The following ANKS1B variants were observed in gnomAD, a reference collection of about 807,000 sequenced individuals.
ANKS1B encodes ankyrin repeat and sterile alpha motif domain containing 1B.
A neutral mutation model predicts 148.3 loss-of-function variants in ANKS1B; 36 were observed. That is an observed-to-expected ratio of 0.24 (90% CI 0.19 to 0.32). ANKS1B has a LOEUF of 0.32. Among genes scored for constraint, ANKS1B ranks in the 10% least tolerant of loss-of-function variants. The pLI is 1.00. For missense variants in ANKS1B, 1,157 were observed against 1,542.6 expected, an observed-to-expected ratio of 0.75 and a Z score of 4.19; for synonymous variants, 542 against 560.8, an observed-to-expected ratio of 0.97 and a Z score of 0.47.
chr12:99,538,073 G>GTT (rs201549778), intron 9 of ANKS1B, among the ~76,000 whole-genome samples: 203 of 151,950 alleles, frequency 1.3e-3, no homozygotes, highest in African/African-American at 4.6e-3. Flanking sequence ...CTCTAGGTGT[G>GTT]TTTATTTGTT....
chr12:99,093,269 T>C (rs142042345), intron 15 of ANKS1B: 1 of 152,230 alleles, frequency 6.6e-6, no homozygotes, highest in Non-Finnish European at 1.5e-5. Context: ...ACTACCTTAG[T>C]GTATTCCAGA....
intron 17 of ANKS1B, among the ~76,000 whole-genome samples, chr12:98,923,106 C>A (rs1273652484): frequency 6.6e-6 from 1 of 152,036 alleles, no homozygotes; most frequent in Non-Finnish European, 1.5e-5. Context: ...TAGATTAATG[C>A]CTTCCTGCTA....
chr12:99,901,451 G>A (rs911186457), intron 1 of ANKS1B, among the ~76,000 whole-genome samples: 5 of 152,180 alleles, frequency 3.3e-5, no homozygotes, highest in African/African-American at 1.2e-4. Context: ...GCAAAAGATA[G>A]AGACAGAAGA....
At chr12:98,960,300 A>T (rs61932195) in intron 17 of ANKS1B, among the ~76,000 whole-genome samples, 21,490 of 152,162 alleles carry the variant, frequency 0.14, 1,900 homozygotes, top group Middle Eastern at 0.2. Flanking sequence ...AGAGAGAGAG[A>T]TGCCATTTGT....
chr12:99,963,738 T>C (rs993912833), intron 1 of ANKS1B, among the ~76,000 whole-genome samples: 1 of 152,230 alleles, frequency 6.6e-6, no homozygotes, highest in African/African-American at 2.4e-5. Flanking sequence ...TTACTTACTG[T>C]CCTGGTTCAT....
rs1219889159 is a variant in ANKS1B at position 98,829,697 on chromosome 12, C to T, written c.2887-344G>A. Among the ~76,000 whole-genome samples the T allele has an allele frequency of 3.3e-5, 5 of 152,124 alleles. No homozygotes were observed. Among genetic ancestry groups the T allele is most frequent in the South Asian group, 2.1e-4 (1 of 4,814 alleles). The stretch of plus-strand genomic sequence containing the variant: ...GAACTGGGCCCTCATGTGGGCAGAG[C>T]GTCCTCACCATGGTAGATGCCATGA... On this transcript the variant is annotated intron_variant, in intron 18 of 26. Coordinates refer to ENST00000683438, the MANE Select transcript of ANKS1B (RefSeq NM_001352186.2). The surrounding 1 kb of genome is among the most constrained non-coding windows in gnomAD (Gnocchi z 5.2).
At chr12:99,414,553 C>T (rs903243112) in intron 11 of ANKS1B, among the ~76,000 whole-genome samples, 22 of 152,094 alleles carry the variant, frequency 1.4e-4, no homozygotes, top group African/African-American at 5.3e-4. Context: ...AAGCTGGAAA[C>T]CATCATTCTC....
At chr12:99,597,247 T>TAAGG (rs2097765784) in intron 9 of ANKS1B, among the ~76,000 whole-genome samples, 1 of 99,518 alleles carries the variant, frequency 1.0e-5, no homozygotes, top group Non-Finnish European at 2.0e-5. Flanking sequence ...ATTTAATGTC[T>TAAGG]GAGGGAGAGA....
At chr12:99,201,952 TTAAC>T (rs1177698643) in intron 14 of ANKS1B, among the ~76,000 whole-genome samples, 3 of 81,288 alleles carry the variant, frequency 3.7e-5, no homozygotes, top group Non-Finnish European at 8.3e-5. Context: ...TTCATTTATA[TTAAC>T]TAACATCTAT....
At chr12:99,879,960 A>G in intron 1 of ANKS1B, among the ~76,000 whole-genome samples, 1 of 152,190 alleles carries the variant, frequency 6.6e-6, no homozygotes, top group East Asian at 1.9e-4. Flanking sequence ...CATTCTGGTA[A>G]TATGACGTAG....
intron 17 of ANKS1B, among the ~76,000 whole-genome samples, chr12:98,885,110 T>G (rs2099736420): frequency 6.6e-6 from 1 of 152,160 alleles, no homozygotes; most frequent in South Asian, 2.1e-4. Flanking sequence ...CTAGGTTCCA[T>G]CTCTAAAATA....
intron 25 of ANKS1B, among the ~76,000 whole-genome samples, chr12:98,755,258 T>C (rs1174075359): frequency 6.6e-6 from 1 of 152,198 alleles, no homozygotes; most frequent in Admixed American, 6.5e-5. Flanking sequence ...AGAGTTGCTA[T>C]CATGTACGAG....
intron 17 of ANKS1B, among the ~76,000 whole-genome samples, chr12:98,866,341 A>G (rs992613471): frequency 6.6e-6 from 1 of 152,180 alleles, no homozygotes; most frequent in Admixed American, 6.5e-5. Context: ...AAATTAATAT[A>G]CTGATTTCCT....
intron 1 of ANKS1B, among the ~76,000 whole-genome samples, chr12:99,846,046 TC>T (rs1376380344): frequency 6.6e-6 from 1 of 152,168 alleles, no homozygotes; most frequent in Non-Finnish European, 1.5e-5. Context: ...TATTACTACA[TC>T]TGCTCTCCTT....
intron 17 of ANKS1B, among the ~76,000 whole-genome samples, chr12:98,854,469 G>A (rs530683716): frequency 1.3e-5 from 2 of 152,132 alleles, no homozygotes; most frequent in East Asian, 1.9e-4. Flanking sequence ...GGCTTTATGC[G>A]CAATTTACAA....
intron 22 of ANKS1B, among the ~76,000 whole-genome samples, chr12:98,797,787 A>G (rs2098963109): frequency 6.6e-6 from 1 of 152,202 alleles, no homozygotes; most frequent in South Asian, 2.1e-4. Flanking sequence ...TAGCTGTTTC[A>G]GTGTAATTAT....
At chr12:98,753,434 CT>C (rs11351993) in intron 25 of ANKS1B, among the ~76,000 whole-genome samples, 72,831 of 150,448 alleles carry the variant, frequency 0.48, 17,932 homozygotes, top group African/African-American at 0.58. Context: ...TTTCTTTTTT[CT>C]TTTTTTTTTG....
intron 17 of ANKS1B, among the ~76,000 whole-genome samples, chr12:98,874,649 C>T (rs2099683043): frequency 6.6e-6 from 1 of 151,794 alleles, no homozygotes; most frequent in Admixed American, 6.6e-5. Flanking sequence ...ATTTATTGGA[C>T]AAAAAGACTA....
At chr12:99,295,083 C>A (rs139277263) in intron 12 of ANKS1B, among the ~76,000 whole-genome samples, 1,817 of 152,240 alleles carry the variant, frequency 0.012, 15 homozygotes, top group Non-Finnish European at 0.019. Flanking sequence ...ACATGCACTA[C>A]GTACCCATAA....
Sources: allele counts gnomAD v4.1 joint callset (sites outside exome capture counted in the v4.1 genomes callset), GRCh38; gene constraint gnomAD v4.1.1; non-coding constraint Gnocchi (gnomAD v3.1); transcripts MANE v1.5; gene names NCBI Gene and HGNC (gene_info 2026-07-23, HGNC 2026-07-21).